Variants in ZCCHC8 observed in about 807,000 individuals in gnomAD.
ZCCHC8 encodes the protein zinc finger CCHC domain-containing protein 8.
A neutral mutation model predicts 70.6 loss-of-function variants in ZCCHC8; 27 were observed. That is an observed-to-expected ratio of 0.38 (90% CI 0.28 to 0.53). ZCCHC8 has a LOEUF of 0.53. Ranked by LOEUF, ZCCHC8 falls within the 20% of genes least tolerant of loss-of-function variation. The pLI, the probability that ZCCHC8 is intolerant of heterozygous loss-of-function variation, is 0.81. For missense variants in ZCCHC8, 737 were observed against 876.9 expected, an observed-to-expected ratio of 0.84 and a Z score of 2.01; for synonymous variants, 293 against 317.4, an observed-to-expected ratio of 0.92 and a Z score of 0.82.
intron 10 of ZCCHC8, 116 bp from the exon 11 acceptor site, chr12:122,480,427 T>C: frequency 1.1e-6 from 1 of 874,710 alleles, no homozygotes; most frequent in South Asian, 3.1e-5. Flanking sequence ...AGTTTTGAAA[T>C]GGCTTTCAAT....
chr12:122,487,862 T>C (rs534130650), intron 5 of ZCCHC8, among the ~76,000 whole-genome samples: 1 of 151,878 alleles, frequency 6.6e-6, no homozygotes, highest in African/African-American at 2.4e-5. Context: ...TACATACATA[T>C]ATATATATAT....
At chr12:122,482,808 C>T in intron 7 of ZCCHC8, 113 bp from the exon 8 acceptor site, 1 of 810,476 alleles carries the variant, frequency 1.2e-6, no homozygotes, top group Non-Finnish European at 2.0e-6. Flanking sequence ...GCAAGTTGAT[C>T]ACAGATCACT....
Position 122,496,825 on chromosome 12 carries a change from G to C in ZCCHC8, c.242+2002C>G, listed in dbSNP as rs76215987. Reference sequence around the variant, plus strand: ...GATACACAAAGTTAGCTCACATAGAGAAAAAAGGGTGAGATATGAGGAAGT... The same window carrying C: ...GATACACAAAGTTAGCTCACATAGACAAAAAAGGGTGAGATATGAGGAAGT... On this transcript the variant is annotated intron_variant, in intron 2 of 13. Transcript: ENST00000633063. Among the ~76,000 whole-genome samples the C allele has an allele frequency of 7.9e-5, 12 of 152,078 alleles. No individual in the cohort carries two copies. The East Asian group carries it at 2.3e-3, about 29-fold the overall frequency.
intron 5 of ZCCHC8, among the ~76,000 whole-genome samples, chr12:122,488,787 C>T (rs990379743): frequency 2.0e-5 from 3 of 150,872 alleles, no homozygotes; most frequent in Non-Finnish European, 4.4e-5. Flanking sequence ...AGGAGAATTG[C>T]TTGAACCCGG....
At chr12:122,476,287 A>T (rs748502500) in intron 13 of ZCCHC8, among the ~76,000 whole-genome samples, 2 of 152,188 alleles carry the variant, frequency 1.3e-5, no homozygotes, top group Non-Finnish European at 2.9e-5. Flanking sequence ...GATTTGTGAG[A>T]ATAACAAACT....
rs1289014408 is a variant in ZCCHC8 at position 122,482,049 on chromosome 12, C to T, written c.771G>A (p.Glu257=). 1.5e-5 allele frequency: 24 copies of T among 1,611,384 alleles called. No homozygotes were observed. Among genetic ancestry groups the T allele is most frequent in the Non-Finnish European group, 1.7e-5 (20 of 1,179,166 alleles). The part of the protein sequence containing the change: ...NAARISEKRK[E]YMDACGEANN... ...TTGCTTCTCCACAGGCATCCATATA[C>T]TCTTTTCTCTTTTCACTTATTCGAG... Residue 257 remains glutamate (E), a synonymous_variant, in exon 9 of 14, where the codon GAG becomes GAA. Coordinates refer to ENST00000633063, the MANE Select transcript of ZCCHC8 (RefSeq NM_017612.5).
rs1296542048 is a variant in ZCCHC8 at position 122,483,980 on chromosome 12, G to A, written c.502-417C>T. The A allele has an allele frequency of 6.0e-6, 1 of 165,364 alleles. No individual in the cohort carries two copies. Among genetic ancestry groups the A allele is most frequent in the Non-Finnish European group, 1.3e-5 (1 of 76,288 alleles). The allele number at this position is 165,364 out of a possible 1,614,324, so 10.2% of individuals were successfully genotyped here. A position where few individuals can be genotyped will look rare whatever the true frequency, so the allele number is the denominator to read the frequency against. ...TTTTGAAAAAATTCCATACAGACAA[G>A]TTGGAAAAGTGGTACAATGAATACC... On this transcript the variant is annotated intron_variant, in intron 5 of 13. Coordinates refer to ENST00000633063, the MANE Select transcript of ZCCHC8 (RefSeq NM_017612.5). This position sits in a 1 kb window ranked among gnomAD's most constrained non-coding sequence, Gnocchi z 4.4.
chr12:122,497,946 G>C (rs1343273233), intron 2 of ZCCHC8, among the ~76,000 whole-genome samples: 2 of 152,000 alleles, frequency 1.3e-5, no homozygotes, highest in Non-Finnish European at 2.9e-5. Context: ...AGCTATAATT[G>C]CAACACTGTA....
Position 122,500,667 on chromosome 12 carries a change from C to G in ZCCHC8, c.174G>C (p.Glu58Asp), listed in dbSNP as rs781609752. ...ELRERLRQCE[E>D]TIEQLRAENQ... Reference sequence around the variant, plus strand: ...TCTCGGCGCGGAGCTGCTCGATGGTCTCCTCGCACTGCCGAAGCCGCTCCC... The same window carrying G: ...TCTCGGCGCGGAGCTGCTCGATGGTGTCCTCGCACTGCCGAAGCCGCTCCC... Residue 58 changes from glutamate to aspartate, a missense_variant, in exon 1 of 14, where the codon GAG becomes GAC. Glu to Asp is a conservative substitution (Grantham distance 45, BLOSUM62 2). Transcript: ENST00000633063. The surrounding 1 kb of genome is among the most constrained non-coding windows in gnomAD (Gnocchi z 4.8). 6.3e-7 allele frequency: 1 copy of G among 1,580,514 alleles called. No homozygotes were observed. The highest frequency in any genetic ancestry group is 1.3e-5 in the African/African-American group (1 of 74,184).
At position 122,473,609 on chromosome 12, in the gene ZCCHC8, G is replaced by A. The variant is rs755439188; in HGVS notation, c.2012C>T (p.Thr671Met). ...TGCCATATTCTCAAATTCAAATGGCGTGATTCCAGTTGCAAATTTGCTCAT... is the reference window on the plus strand; with the variant it reads ...TGCCATATTCTCAAATTCAAATGGCATGATTCCAGTTGCAAATTTGCTCAT... ...PDMSKFATGI[T>M]PFEFENMAES... The change falls in exon 14 of 14, where the codon ACG (threonine) becomes ATG (methionine). Residue 671 changes from threonine to methionine, a missense_variant. Coordinates refer to ENST00000633063, the MANE Select transcript of ZCCHC8 (RefSeq NM_017612.5). 33 of 1,613,788 alleles carry A rather than the reference G, an allele frequency of 2.0e-5. No homozygotes were observed. The highest frequency in any genetic ancestry group is 7.7e-5 in the South Asian group (7 of 91,078).
chr12:122,482,443 T>A, intron 8 of ZCCHC8, 192 bp downstream of exon 8: 1 of 471,230 alleles, frequency 2.1e-6, no homozygotes, highest in Non-Finnish European at 3.8e-6. Flanking sequence ...GACACTGTTT[T>A]AAATTATTTA....
intron 5 of ZCCHC8, among the ~76,000 whole-genome samples, chr12:122,488,629 C>G (rs1285749864): frequency 6.6e-6 from 1 of 151,964 alleles, no homozygotes. Context: ...TCCCAACACT[C>G]TGGGAGGCCA....
Position 122,480,297 on chromosome 12 carries a change from C to G in ZCCHC8, c.1033G>C (p.Glu345Gln). The change falls in exon 11 of 14, where the codon GAA becomes CAA. Residue 345 changes from glutamate (E) to glutamine (Q), a missense_variant. By Grantham distance (29) the Glu-to-Gln change is conservative. Transcript: ENST00000633063. ...LYDGKDGTDGETEVGEIQQNK... is the reference protein window; with the variant it reads ...LYDGKDGTDGQTEVGEIQQNK... The stretch of plus-strand genomic sequence containing the variant: ...TGTTGTATTTCTCCAACTTCTGTTT[C>G]CCCATCAGTGCCATCTATTACAGAC... 1 of 1,610,418 alleles carries G rather than the reference C, an allele frequency of 6.2e-7. No homozygotes were observed. Among genetic ancestry groups the G allele is most frequent in the African/African-American group, 1.3e-5 (1 of 74,980 alleles).
At chr12:122,475,100 T>G (rs935234699) in intron 13 of ZCCHC8, among the ~76,000 whole-genome samples, 8 of 152,084 alleles carry the variant, frequency 5.3e-5, no homozygotes, top group Non-Finnish European at 7.4e-5. Flanking sequence ...CAGGCTGGAG[T>G]GCAGTGGCAT....
intron 13 of ZCCHC8, among the ~76,000 whole-genome samples, chr12:122,477,575 G>T (rs555632897): frequency 1.3e-5 from 2 of 149,390 alleles, no homozygotes; most frequent in East Asian, 4.0e-4. Flanking sequence ...ACAAGGTCAG[G>T]AGTTCGAGAC....
intron 11 of ZCCHC8, 91 bp from the exon 12 acceptor site, chr12:122,478,383 C>T: frequency 1.2e-6 from 1 of 831,764 alleles, no homozygotes; most frequent in Non-Finnish European, 1.9e-6. Flanking sequence ...CAGTGGAGAT[C>T]TCAAATTACA....
At chr12:122,494,163 G>A (rs2137365859) in intron 2 of ZCCHC8, among the ~76,000 whole-genome samples, 1 of 152,264 alleles carries the variant, frequency 6.6e-6, no homozygotes, top group East Asian at 1.9e-4. Context: ...CCAGCTGAAT[G>A]TCTGATTCTT....
At chr12:122,477,248 T>G (rs61956098) in intron 13 of ZCCHC8, among the ~76,000 whole-genome samples, 88,371 of 144,748 alleles carry the variant, frequency 0.61, 27,820 homozygotes, top group African/African-American at 0.75. Context: ...TCCACCTCCC[T>G]GGTTCATGCC....
chr12:122,499,431 G>A (rs1957881101), intron 1 of ZCCHC8: 1 of 154,248 alleles, frequency 6.5e-6, no homozygotes, highest in Non-Finnish European at 1.4e-5. Flanking sequence ...ACCACGCCCG[G>A]CTAATTTTGT....
Sources: allele counts gnomAD v4.1 joint callset (sites outside exome capture counted in the v4.1 genomes callset), GRCh38; gene constraint gnomAD v4.1.1; non-coding constraint Gnocchi (gnomAD v3.1); transcripts MANE v1.5; gene names NCBI Gene and HGNC (gene_info 2026-07-23, HGNC 2026-07-21).